CLSTN2: variants seen among roughly 807,000 people sequenced by gnomAD.
CLSTN2 encodes the protein calsyntenin-2.
Under a neutral mutation model 101.2 loss-of-function variants are expected in CLSTN2, and 48 were observed. The observed-to-expected ratio is 0.47, with a 90% CI of 0.38 to 0.60. CLSTN2 has a LOEUF of 0.60. Ranked by LOEUF, CLSTN2 falls within the 20% of genes least tolerant of loss-of-function variation. The probability of loss-of-function intolerance (pLI) is 0.00; values close to 1 mark genes in which losing one functional copy is unlikely to be tolerated. For missense variants in CLSTN2, 1,160 were observed against 1,238.2 expected, an observed-to-expected ratio of 0.94 and a Z score of 0.95; for synonymous variants, 481 against 463.6, an observed-to-expected ratio of 1.04 and a Z score of -0.48.
chr3:140,153,359 A>G (rs2009898477), intron 1 of CLSTN2, among the ~76,000 whole-genome samples: 1 of 152,264 alleles, frequency 6.6e-6, no homozygotes, highest in Non-Finnish European at 1.5e-5. Context: ...TAACTCTTCA[A>G]GGCTGGAGCC....
intron 1 of CLSTN2, among the ~76,000 whole-genome samples, chr3:140,013,727 A>G (rs2007136722): frequency 6.6e-6 from 1 of 150,984 alleles, no homozygotes. Context: ...ACTAAAAACC[A>G]TAACTAAAAA....
chr3:140,192,340 A>G (rs1299928861), intron 2 of CLSTN2, among the ~76,000 whole-genome samples: 1 of 151,904 alleles, frequency 6.6e-6, no homozygotes, highest in Non-Finnish European at 1.5e-5. Flanking sequence ...TTGATGTTGA[A>G]CTTTTCTGTA....
chr3:140,386,784 A>G (rs2088056409), intron 2 of CLSTN2, among the ~76,000 whole-genome samples: 1 of 152,190 alleles, frequency 6.6e-6, no homozygotes, highest in Non-Finnish European at 1.5e-5. Flanking sequence ...CCCAAGAGCC[A>G]AGGCCTGTGC....
intron 2 of CLSTN2, among the ~76,000 whole-genome samples, chr3:140,210,380 G>A (rs1576468291): frequency 6.6e-6 from 1 of 152,336 alleles, no homozygotes; most frequent in South Asian, 2.1e-4. Flanking sequence ...AGTAGCCGAG[G>A]CAGGCTGTAC....
rs1559797104 is a variant in CLSTN2, at chr3:140,171,639, T to TATATAATACGTATTATATATA, written c.110-4307_110-4306insATACGTATTATATATAATATA. 5.3e-4 allele frequency among the ~76,000 whole-genome samples: 55 copies of TATATAATACGTATTATATATA among 104,232 alleles called. No homozygotes were observed. The East Asian group carries it at 0.012, about 24-fold the overall frequency. 68.4% of individuals were successfully genotyped at this position (104,232 alleles called of 152,430 possible). A position where few individuals can be genotyped will look rare whatever the true frequency, so the allele number is the denominator to read the frequency against. On this transcript the variant is annotated intron_variant, in intron 1 of 16. Transcript: ENST00000458420. The stretch of plus-strand genomic sequence containing the variant: ...ATATTATATAATATGTATTATATAT[T>TATATAATACGTATTATATATA]ATATATAATACGTATTATATATTAT...
intron 1 of CLSTN2, among the ~76,000 whole-genome samples, chr3:140,171,778 T>TTATATTA (rs2010232927): frequency 1.3e-5 from 1 of 78,562 alleles, no homozygotes; most frequent in Non-Finnish European, 2.2e-5. Context: ...ATAATATGTA[T>TTATATTA]TATATAATAT....
At chr3:140,273,153 T>C (rs775773835) in intron 2 of CLSTN2, among the ~76,000 whole-genome samples, 1 of 152,028 alleles carries the variant, frequency 6.6e-6, no homozygotes, top group African/African-American at 2.4e-5. Context: ...TTGGAAGATA[T>C]ACTCATTTCC....
chr3:140,190,689 T>C (rs927327043), intron 2 of CLSTN2, among the ~76,000 whole-genome samples: 1 of 152,166 alleles, frequency 6.6e-6, no homozygotes, highest in African/African-American at 2.4e-5. Context: ...GTAAATAGTA[T>C]TGTATTTTTA....
intron 1 of CLSTN2, among the ~76,000 whole-genome samples, chr3:140,113,125 C>A (rs2009182506): frequency 6.6e-6 from 1 of 152,098 alleles, no homozygotes; most frequent in Non-Finnish European, 1.5e-5. Flanking sequence ...TTGAAATTGG[C>A]CACGGATGGA....
intron 2 of CLSTN2, among the ~76,000 whole-genome samples, chr3:140,365,954 C>T (rs1373772431): frequency 2.0e-5 from 3 of 152,196 alleles, no homozygotes; most frequent in African/African-American, 2.4e-5. Context: ...CGCTCCAGGG[C>T]GTCTCCTCAC....
intron 1 of CLSTN2, among the ~76,000 whole-genome samples, chr3:140,043,109 A>G (rs1439641880): frequency 6.6e-6 from 1 of 152,210 alleles, no homozygotes; most frequent in Non-Finnish European, 1.5e-5. Flanking sequence ...ACTGTCTTCC[A>G]CAATGGTTGA....
At chr3:140,374,522 G>A (rs1421372808) in intron 2 of CLSTN2, among the ~76,000 whole-genome samples, 1 of 152,034 alleles carries the variant, frequency 6.6e-6, no homozygotes, top group Admixed American at 6.6e-5. Flanking sequence ...GTTACAAAGA[G>A]AATAATAAAT....
At chr3:140,370,533 T>A (rs1001423239) in intron 2 of CLSTN2, among the ~76,000 whole-genome samples, 2 of 152,106 alleles carry the variant, frequency 1.3e-5, no homozygotes, top group African/African-American at 4.8e-5. Context: ...TATGACCTGG[T>A]TAATAATGAT....
intron 2 of CLSTN2, among the ~76,000 whole-genome samples, chr3:140,321,989 C>T (rs1482943134): frequency 6.6e-6 from 1 of 152,160 alleles, no homozygotes; most frequent in African/African-American, 2.4e-5. Context: ...ATGCCAAGGC[C>T]CTCACTGTCA....
chr3:140,086,236 C>T lies in CLSTN2; in HGVS notation c.110-89715C>T, dbSNP rs140514087. Among the ~76,000 whole-genome samples, 811 of 152,200 alleles carry T rather than the reference C, an allele frequency of 5.3e-3. 12 individuals are homozygous for T. Among genetic ancestry groups the T allele is most frequent in the African/African-American group, 0.018 (759 of 41,520 alleles). On this transcript the variant is annotated intron_variant, in intron 1 of 16. Transcript: ENST00000458420. ...AACCTATATCTCTGTTCGGTGATAA[C>T]GAATGCTGGGGTTGGTTAGCAATGT...
At chr3:139,997,084 T>C (rs1042341651) in intron 1 of CLSTN2, among the ~76,000 whole-genome samples, 2 of 151,186 alleles carry the variant, frequency 1.3e-5, no homozygotes, top group African/African-American at 4.9e-5. Context: ...AAATACCTGA[T>C]CGTGACTGCT....
intron 5 of CLSTN2, among the ~76,000 whole-genome samples, chr3:140,425,464 C>A (rs2088557036): frequency 6.6e-6 from 1 of 152,210 alleles, no homozygotes; most frequent in Non-Finnish European, 1.5e-5. Context: ...CCGCTGCCTG[C>A]CTTTCAGACC....
intron 8 of CLSTN2, among the ~76,000 whole-genome samples, chr3:140,473,345 G>A (rs1933898973): frequency 6.6e-6 from 1 of 152,206 alleles, no homozygotes; most frequent in Non-Finnish European, 1.5e-5. Context: ...CCCCAAAGAT[G>A]TCTACCTCTG....
At chr3:140,298,612 G>T (rs1359127058) in intron 2 of CLSTN2, among the ~76,000 whole-genome samples, 5 of 152,140 alleles carry the variant, frequency 3.3e-5, no homozygotes, top group African/African-American at 4.8e-5. Context: ...GCCCAGGAGG[G>T]GAGGTAACTT....
Sources: gnomAD v4.1 joint callset for allele counts (sites outside exome capture counted in the v4.1 genomes callset) on GRCh38, gnomAD v4.1.1 for gene constraint, MANE v1.5 for transcripts, NCBI Gene and HGNC (gene_info 2026-07-23, HGNC 2026-07-21) for gene names.